Variants in YPEL2 observed in about 807,000 individuals in gnomAD.
The protein encoded by YPEL2 is protein yippee-like 2.
YPEL2 carries 2 observed loss-of-function variants against 19.1 expected under a neutral mutation model. That is an observed-to-expected ratio of 0.10 (90% CI 0.04 to 0.33). The LOEUF (loss-of-function observed/expected upper bound fraction) is 0.33, where lower values mean the gene tolerates loss of function less well. Ranked by LOEUF, YPEL2 falls within the 10% of genes least tolerant of loss-of-function variation. The pLI, the probability that YPEL2 is intolerant of heterozygous loss-of-function variation, is 1.00. For synonymous variants in YPEL2, 52 were observed against 50.0 expected (o/e 1.04, Z -0.17); for missense variants, 66 against 140.7 (o/e 0.47, Z 2.68).
Position 59,400,589 on chromosome 17 carries a change from T to G in YPEL2, c.*3399T>G, listed in dbSNP as rs188191895. On this transcript the variant is annotated 3_prime_UTR_variant, in exon 5 of 5. Coordinates refer to ENST00000312655, the MANE Select transcript of YPEL2 (RefSeq NM_001005404.4). ...CAGTGGAACAGACTCTGCAGTACATTAATCAGGTTGAGAATTGAAATATTT... is the reference window on the plus strand; with the variant it reads ...CAGTGGAACAGACTCTGCAGTACATGAATCAGGTTGAGAATTGAAATATTT... The G allele has an allele frequency of 9.8e-5, 15 of 152,632 alleles. No individual in the cohort carries two copies. In the East Asian group the frequency reaches 2.3e-3, roughly 24 times the overall value. The allele number at this position is 152,632 out of a possible 1,614,324, so 9.5% of individuals were successfully genotyped here. A position where few individuals can be genotyped will look rare whatever the true frequency, so the allele number is the denominator to read the frequency against.
intron 2 of YPEL2, among the ~76,000 whole-genome samples, chr17:59,369,646 G>A (rs1452466334): frequency 6.6e-6 from 1 of 152,222 alleles, no homozygotes; most frequent in African/African-American, 2.4e-5. Context: ...GTCCCGGTCT[G>A]ATGTAACCAG....
chr17:59,349,496 G>A lies in YPEL2; in HGVS notation c.-195-3719G>A, dbSNP rs569463870. On this transcript the variant is annotated intron_variant, in intron 1 of 4. Transcript: ENST00000312655. ...ACTACAGCTGGGACTACGGGCGTGC[G>A]CTACCATGCCTGGCTAATTTTTGTA... is the stretch of plus-strand genomic sequence containing the variant. Among the ~76,000 whole-genome samples, 656 of 151,644 alleles carry A rather than the reference G, an allele frequency of 4.3e-3. 3 individuals are homozygous for A. Among genetic ancestry groups the A allele is most frequent in the Non-Finnish European group, 7.0e-3 (474 of 67,938 alleles).
At chr17:59,349,067 G>C (rs551254349) in intron 1 of YPEL2, among the ~76,000 whole-genome samples, 3 of 150,468 alleles carry the variant, frequency 2.0e-5, no homozygotes, top group Non-Finnish European at 4.4e-5. Context: ...CCAGCTACTC[G>C]GGAGGCTGAG....
At chr17:59,357,840 G>A (rs570407269) in intron 2 of YPEL2, among the ~76,000 whole-genome samples, 5 of 152,158 alleles carry the variant, frequency 3.3e-5, no homozygotes, top group East Asian at 3.9e-4. Context: ...GACCCACTTC[G>A]GGGCCCTGTG....
At position 59,397,224 on chromosome 17, in the gene YPEL2, G is replaced by C; in HGVS notation, c.*34G>C. On this transcript the variant is annotated 3_prime_UTR_variant, in exon 5 of 5. Transcript: ENST00000312655. ...CATCTACCCAACCCAGTGTCCACGT[G>C]AACGCCATTCAACCGAACATTCTTC... is the stretch of plus-strand genomic sequence containing the variant. 1.3e-6 allele frequency: 2 copies of C among 1,512,712 alleles called. No homozygotes were observed. The highest frequency in any genetic ancestry group is 1.8e-6 in the Non-Finnish European group (2 of 1,112,542). The allele number at this position is 1,512,712 out of a possible 1,614,324, so 93.7% of individuals were successfully genotyped here. A position where few individuals can be genotyped will look rare whatever the true frequency, so the allele number is the denominator to read the frequency against.
intron 4 of YPEL2, among the ~76,000 whole-genome samples, chr17:59,396,326 T>C (rs2147962054): frequency 6.6e-6 from 1 of 152,370 alleles, no homozygotes; most frequent in South Asian, 2.1e-4. Context: ...TGAAAGTCTC[T>C]GCACTCCATG....
At chr17:59,342,289 C>G (rs2047735624) in intron 1 of YPEL2, among the ~76,000 whole-genome samples, 1 of 152,216 alleles carries the variant, frequency 6.6e-6, no homozygotes, top group South Asian at 2.1e-4. Context: ...ACAACACATT[C>G]ATGTATTCAG....
At chr17:59,357,242 G>A (rs2047817466) in intron 2 of YPEL2, among the ~76,000 whole-genome samples, 1 of 152,134 alleles carries the variant, frequency 6.6e-6, no homozygotes, top group Non-Finnish European at 1.5e-5. Context: ...GGGTTGGAGG[G>A]GATTATTCCT....
chr17:59,395,213 A>G (rs980893654), intron 4 of YPEL2, among the ~76,000 whole-genome samples: 2 of 109,758 alleles, frequency 1.8e-5, no homozygotes, highest in African/African-American at 1.0e-4. Context: ...GTATACACGC[A>G]TGTGTGCATG....
intron 2 of YPEL2, among the ~76,000 whole-genome samples, chr17:59,369,901 T>A (rs1377004407): frequency 6.6e-6 from 1 of 152,226 alleles, no homozygotes. Context: ...GCAGGCATTG[T>A]GCTAGGCATG....
At chr17:59,366,312 C>T (rs1437061828) in intron 2 of YPEL2, among the ~76,000 whole-genome samples, 3 of 152,140 alleles carry the variant, frequency 2.0e-5, no homozygotes, top group Non-Finnish European at 2.9e-5. Context: ...GCCTGTCACA[C>T]GGTACCCTTT....
intron 2 of YPEL2, among the ~76,000 whole-genome samples, chr17:59,361,769 AACAC>A (rs1210754130): frequency 6.6e-6 from 1 of 152,186 alleles, no homozygotes; most frequent in Admixed American, 6.5e-5. Context: ...AAAGGAAAAA[AACAC>A]ACACACAACC....
intron 2 of YPEL2, among the ~76,000 whole-genome samples, chr17:59,385,337 A>G (rs550030121): frequency 6.6e-6 from 1 of 152,316 alleles, no homozygotes; most frequent in South Asian, 2.1e-4. Flanking sequence ...TGGGAGGCCA[A>G]GGCAGGCCGA....
At chr17:59,386,787 A>G (rs927699185) in intron 2 of YPEL2, among the ~76,000 whole-genome samples, 1 of 152,168 alleles carries the variant, frequency 6.6e-6, no homozygotes, top group Non-Finnish European at 1.5e-5. Context: ...GGAAGCTGCT[A>G]TATTCCCCAG....
Position 59,341,459 on chromosome 17 carries a change from A to G in YPEL2, c.-196+9635A>G, listed in dbSNP as rs114030682. On this transcript the variant is annotated intron_variant, in intron 1 of 4. Coordinates refer to ENST00000312655, the MANE Select transcript of YPEL2 (RefSeq NM_001005404.4). ...AGCATCTCCTGAGGTCAGGAGTTCC[A>G]GACCAGTCTGGACAACATGGCAAAA... Among the ~76,000 whole-genome samples the G allele has an allele frequency of 4.8e-3, 734 of 151,948 alleles. 5 individuals are homozygous for G. The highest frequency in any genetic ancestry group is 0.017 in the African/African-American group (698 of 41,456).
chr17:59,388,420 T>TG, intron 3 of YPEL2, 50 bp downstream of exon 3: 1 of 1,576,484 alleles, frequency 6.3e-7, no homozygotes. Flanking sequence ...ATTCGAGGGA[T>TG]GGGAAAAAGC....
intron 1 of YPEL2, among the ~76,000 whole-genome samples, chr17:59,342,208 T>TG (rs1228249068): frequency 6.6e-6 from 1 of 152,192 alleles, no homozygotes; most frequent in African/African-American, 2.4e-5. Context: ...TGTAGCTAAT[T>TG]GGGGCCCCAG....
rs765806837 is a variant in YPEL2, at chr17:59,353,985, G to T, written c.117+459G>T. On this transcript the variant is annotated intron_variant, in intron 2 of 4. Coordinates refer to ENST00000312655, the MANE Select transcript of YPEL2 (RefSeq NM_001005404.4). This position sits in a 1 kb window ranked among gnomAD's most constrained non-coding sequence, Gnocchi z 4.8. ...GAATTACTAAAATGGGTGGCTTTTG[G>T]CAGGGACCAAAAGTGGCTTGTTGAA... The T allele has an allele frequency of 3.7e-6, 1 of 268,496 alleles. No individual in the cohort carries two copies. The allele number at this position is 268,496 out of a possible 1,614,324, so 16.6% of individuals were successfully genotyped here.
intron 2 of YPEL2, chr17:59,354,768 A>G (rs2047804228): frequency 1.3e-5 from 2 of 152,092 alleles, no homozygotes; most frequent in Non-Finnish European, 2.9e-5. Flanking sequence ...TCCTTTCTTT[A>G]TGGTTCTGCT....
Sources: gnomAD v4.1 joint callset for allele counts (sites outside exome capture counted in the v4.1 genomes callset) on GRCh38, gnomAD v4.1.1 for gene constraint, Gnocchi (gnomAD v3.1) non-coding constraint, MANE v1.5 for transcripts, NCBI Gene and HGNC (gene_info 2026-07-23, HGNC 2026-07-21) for gene names.